Variants in CSGALNACT1 observed in about 807,000 individuals in gnomAD.
CSGALNACT1 encodes the protein chondroitin sulfate N-acetylgalactosaminyltransferase 1, also known as beta4GalNAcT-1.
In CSGALNACT1, 52 loss-of-function variants were observed where a neutral mutation model predicts 51.0. That is an observed-to-expected ratio of 1.02 (90% confidence interval 0.82 to 1.29). The LOEUF is 1.29. CSGALNACT1 is among the 50% of genes most tolerant of loss of function. The pLI, the probability that CSGALNACT1 is intolerant of heterozygous loss-of-function variation, is 0.00. For missense variants in CSGALNACT1, 935 were observed against 679.2 expected, an observed-to-expected ratio of 1.38 and a Z score of -4.19; for synonymous variants, 341 against 254.4, an observed-to-expected ratio of 1.34 and a Z score of -3.24.
chr8:19,666,959 G>A (rs1202656379), intron 1 of CSGALNACT1, among the ~76,000 whole-genome samples: 1 of 12,412 alleles, frequency 8.1e-5, no homozygotes. Flanking sequence ...AAGAAAGAAA[G>A]AAAGAAAGAA....
At chr8:19,436,402 G>C (rs951479403) in intron 6 of CSGALNACT1, among the ~76,000 whole-genome samples, 4 of 152,146 alleles carry the variant, frequency 2.6e-5, no homozygotes, top group African/African-American at 4.8e-5. Context: ...AGGGATCACA[G>C]CCTGAGTAAC....
chr8:19,476,083 G>A lies in CSGALNACT1; in HGVS notation c.635-17441C>T, dbSNP rs573933322. On this transcript the variant is annotated intron_variant, in intron 4 of 9. Transcript: ENST00000454498. ...CAGTAACTTTATTAATGTATCCTAT[G>A]ACTGAGGTTGTACCTCTCTAAAGAA... Among the ~76,000 whole-genome samples, 23 of 152,266 alleles carry A rather than the reference G, an allele frequency of 1.5e-4. No individual in the cohort carries two copies. In the South Asian group the frequency reaches 4.6e-3, roughly 30 times the overall value.
chr8:19,673,881 C>A (rs2154199410), intron 1 of CSGALNACT1, among the ~76,000 whole-genome samples: 1 of 152,300 alleles, frequency 6.6e-6, no homozygotes, highest in Admixed American at 6.5e-5. Flanking sequence ...TAGTGAGTGC[C>A]TATCCTGTGC....
At chr8:19,726,046 A>C (rs1423962589) in intron 1 of CSGALNACT1, among the ~76,000 whole-genome samples, 2 of 152,168 alleles carry the variant, frequency 1.3e-5, no homozygotes, top group Non-Finnish European at 2.9e-5. Flanking sequence ...TGAAGGCTTA[A>C]ATTTTTTTGC....
At chr8:19,420,887 C>T (rs868797120) in intron 6 of CSGALNACT1, among the ~76,000 whole-genome samples, 2 of 152,192 alleles carry the variant, frequency 1.3e-5, no homozygotes, top group Admixed American at 6.5e-5. Context: ...CGAATGAGGC[C>T]ACTGAGCCAA....
At chr8:19,475,657 C>T (rs928563479) in intron 4 of CSGALNACT1, among the ~76,000 whole-genome samples, 24 of 152,128 alleles carry the variant, frequency 1.6e-4, no homozygotes, top group African/African-American at 5.8e-4. Context: ...AGGTGAAAAG[C>T]ACACAAGCAA....
At chr8:19,667,040 G>GAAAACAA (rs1554795061) in intron 1 of CSGALNACT1, among the ~76,000 whole-genome samples, 14 of 34,974 alleles carry the variant, frequency 4.0e-4, no homozygotes, top group African/African-American at 1.9e-3. Flanking sequence ...AGGAAGGAAG[G>GAAAACAA]AAGAAAGAAA....
intron 1 of CSGALNACT1, among the ~76,000 whole-genome samples, chr8:19,632,683 T>C (rs2055442919): frequency 6.6e-6 from 1 of 152,160 alleles, no homozygotes; most frequent in African/African-American, 2.4e-5. Context: ...ATCTCAGCAG[T>C]GCTAAGAAAA....
intron 1 of CSGALNACT1, among the ~76,000 whole-genome samples, chr8:19,674,436 G>T (rs2060020088): frequency 6.6e-6 from 1 of 152,168 alleles, no homozygotes; most frequent in African/African-American, 2.4e-5. Flanking sequence ...CAGGGGGGAA[G>T]ACGGAAGAAG....
At chr8:19,585,286 G>C (rs1422232250) in intron 3 of CSGALNACT1, 1 of 152,218 alleles carries the variant, frequency 6.6e-6, no homozygotes, top group Non-Finnish European at 1.5e-5. Flanking sequence ...CTTGCTGGTT[G>C]AGTTGACACT....
At chr8:19,456,587 A>G (rs147816198) in intron 5 of CSGALNACT1, among the ~76,000 whole-genome samples, 149 of 152,344 alleles carry the variant, frequency 9.8e-4, no homozygotes, top group Middle Eastern at 6.8e-3. Flanking sequence ...CAAAGGGAAA[A>G]CCTACAGAGA....
chr8:19,559,014 A>T (rs1338673686), intron 3 of CSGALNACT1, among the ~76,000 whole-genome samples: 1 of 152,192 alleles, frequency 6.6e-6, no homozygotes, highest in African/African-American at 2.4e-5. Flanking sequence ...GCATAGGTAA[A>T]CAGTTCTATT....
intron 1 of CSGALNACT1, among the ~76,000 whole-genome samples, chr8:19,737,749 T>C (rs879580322): frequency 8.5e-5 from 13 of 152,334 alleles, no homozygotes; most frequent in Middle Eastern, 3.4e-3. Flanking sequence ...GATCATCACA[T>C]AGATAGTTCT....
intron 1 of CSGALNACT1, among the ~76,000 whole-genome samples, chr8:19,751,342 A>G (rs2065014666): frequency 6.6e-6 from 1 of 152,190 alleles, no homozygotes; most frequent in Non-Finnish European, 1.5e-5. Flanking sequence ...GAACTCACAT[A>G]CCACACTAAG....
intron 1 of CSGALNACT1, among the ~76,000 whole-genome samples, chr8:19,656,074 T>C (rs758706942): frequency 6.6e-6 from 1 of 152,166 alleles, no homozygotes; most frequent in African/African-American, 2.4e-5. Flanking sequence ...GAGGGCAACT[T>C]GTGCTTCACA....
intron 1 of CSGALNACT1, among the ~76,000 whole-genome samples, chr8:19,672,176 T>C (rs2059844802): frequency 6.6e-6 from 1 of 152,296 alleles, no homozygotes; most frequent in African/African-American, 2.4e-5. Context: ...CTCCCACACA[T>C]GGCAATTTTT....
intron 2 of CSGALNACT1, among the ~76,000 whole-genome samples, chr8:19,597,531 C>G (rs556894096): frequency 6.6e-6 from 1 of 152,086 alleles, no homozygotes; most frequent in African/African-American, 2.4e-5. Flanking sequence ...GCCTTGAACT[C>G]CTGAGCTCAA....
intron 1 of CSGALNACT1, among the ~76,000 whole-genome samples, chr8:19,618,469 C>A (rs1396525044): frequency 6.6e-6 from 1 of 151,442 alleles, no homozygotes; most frequent in African/African-American, 2.4e-5. Context: ...GGTGAAGTCA[C>A]AACTCTACTA....
At chr8:19,422,922 G>A (rs1263907788) in intron 6 of CSGALNACT1, among the ~76,000 whole-genome samples, 1 of 152,194 alleles carries the variant, frequency 6.6e-6, no homozygotes, top group East Asian at 1.9e-4. Flanking sequence ...AATATATACA[G>A]CCAGTAGCAA....
Sources: gnomAD v4.1 joint callset for allele counts (sites outside exome capture counted in the v4.1 genomes callset) on GRCh38, gnomAD v4.1.1 for gene constraint, MANE v1.5 for transcripts, NCBI Gene and HGNC (gene_info 2026-07-23, HGNC 2026-07-21) for gene names.